RGS3: variants seen among roughly 807,000 people sequenced by gnomAD.
RGS3 encodes regulator of G-protein signalling 3.
Under a neutral mutation model 132.6 loss-of-function variants are expected in RGS3, and 80 were observed. That is an observed-to-expected ratio of 0.60 (90% CI 0.50 to 0.73). The LOEUF (loss-of-function observed/expected upper bound fraction) is 0.73. Ranked by LOEUF, RGS3 falls within the 30% of genes least tolerant of loss-of-function variation. The pLI, the probability that RGS3 is intolerant of heterozygous loss-of-function variation, is 0.00. For synonymous variants in RGS3, 598 were observed against 620.6 expected (o/e 0.96, Z 0.54); for missense variants, 1,382 against 1,530.8 (o/e 0.90, Z 1.62).
Position 113,579,076 on chromosome 9 carries a change from C to T in RGS3, c.2038-4374C>T, listed in dbSNP as rs1385299678. Among the ~76,000 whole-genome samples the T allele has an allele frequency of 6.7e-6, 1 of 148,682 alleles. No individual in the cohort carries two copies. The highest frequency in any genetic ancestry group is 2.1e-4 in the South Asian group (1 of 4,776). The stretch of plus-strand genomic sequence containing the variant: ...TGAGACAGAGGCAAACCCCAGTTTA[C>T]ACCCCCCCAGTGCAGGAAGTGGTTT... On this transcript the variant is annotated intron_variant, in intron 19 of 24. Transcript: ENST00000350696. The surrounding 1 kb of genome is among the most constrained non-coding windows in gnomAD (Gnocchi z 4.3).
At position 113,593,767 on chromosome 9, in the gene RGS3, T is replaced by C. The variant is rs1306562295; in HGVS notation, c.3081-663T>C. On this transcript the variant is annotated intron_variant, in intron 21 of 24. Transcript: ENST00000350696. ...TCACCCAGTGCTGAATTCTGCTGCC[T>C]CCTTGGGGACCGGCAAGGCTAAAAA... 7.1e-6 allele frequency: 5 copies of C among 705,914 alleles called. No homozygotes were observed. In the South Asian group the frequency reaches 9.0e-5, roughly 13 times the overall value. 43.7% of individuals were successfully genotyped at this position (705,914 alleles called of 1,614,324 possible). A position where few individuals can be genotyped will look rare whatever the true frequency, so the allele number is the denominator to read the frequency against.
chr9:113,453,843 CT>C (rs941302971), intron 1 of RGS3, among the ~76,000 whole-genome samples: 6 of 150,336 alleles, frequency 4.0e-5, no homozygotes, highest in African/African-American at 1.5e-4. Flanking sequence ...TTCACATACT[CT>C]TTTTTTATTT....
intron 10 of RGS3, among the ~76,000 whole-genome samples, chr9:113,503,981 C>T (rs1482140132): frequency 6.6e-6 from 1 of 152,106 alleles, no homozygotes. Context: ...GGGGTATTTT[C>T]CTGCCTCCTC....
intron 16 of RGS3, chr9:113,522,238 T>A (rs1831990502): frequency 6.6e-6 from 1 of 152,224 alleles, no homozygotes; most frequent in African/African-American, 2.4e-5. Context: ...CTTAAACTGA[T>A]TTCTCATTAA....
chr9:113,456,311 A>G (rs1370189463), upstream of RGS3, among the ~76,000 whole-genome samples: 1 of 152,164 alleles, frequency 6.6e-6, no homozygotes, highest in Non-Finnish European at 1.5e-5. Context: ...ATTATGTTCA[A>G]CTGTTCACTT....
At chr9:113,494,117 G>A (rs1165260108) in intron 7 of RGS3, among the ~76,000 whole-genome samples, 1 of 151,966 alleles carries the variant, frequency 6.6e-6, no homozygotes, top group Non-Finnish European at 1.5e-5. Flanking sequence ...GTAAGAGAGA[G>A]GAGAACAGAA....
intron 1 of RGS3, among the ~76,000 whole-genome samples, chr9:113,451,153 T>G (rs1046484275): frequency 1.4e-5 from 2 of 144,004 alleles, no homozygotes; most frequent in African/African-American, 5.2e-5. Context: ...ACCTCCAGCC[T>G]GGGCAACAGT....
chr9:113,553,459 A>AAAAAAAAAAAAATATATAT (rs1426114805), intron 19 of RGS3, among the ~76,000 whole-genome samples: 5 of 58,696 alleles, frequency 8.5e-5, no homozygotes, highest in Admixed American at 5.5e-4. Context: ...AAAAAAAAAA[A>AAAAAAAAAAAAATATATAT]ATATATATAT....
rs139920691 is a variant in RGS3 at position 113,470,829 on chromosome 9, A to T, written c.415+8628A>T. ...AAAATAAAAAAATTAGCTGGGCATG[A>T]TGGTGTGCACCTGTGGTCCTAGCTA... On this transcript the variant is annotated intron_variant, in intron 3 of 24. Coordinates refer to ENST00000350696, the Ensembl canonical transcript of RGS3. Among the ~76,000 whole-genome samples, 676 of 152,188 alleles carry T rather than the reference A, an allele frequency of 4.4e-3. 24 individuals carry two copies. The East Asian group carries it at 0.083, about 19-fold the overall frequency.
intron 19 of RGS3, among the ~76,000 whole-genome samples, chr9:113,547,504 T>C (rs1166756393): frequency 6.6e-6 from 1 of 152,216 alleles, no homozygotes; most frequent in Non-Finnish European, 1.5e-5. Flanking sequence ...CTCAGGTGGC[T>C]GAGTATACAC....
chr9:113,554,551 C>T, intron 19 of RGS3, among the ~76,000 whole-genome samples: 1 of 152,240 alleles, frequency 6.6e-6, no homozygotes, highest in East Asian at 1.9e-4. Flanking sequence ...AAGTGATCCA[C>T]TCACCTCAGC....
chr9:113,469,608 C>T (rs1829764167), intron 3 of RGS3, among the ~76,000 whole-genome samples: 1 of 151,868 alleles, frequency 6.6e-6, no homozygotes, highest in Non-Finnish European at 1.5e-5. Flanking sequence ...AAAAAAAAAA[C>T]CTTTGTAACT....
chr9:113,565,463 G>C lies in RGS3; in HGVS notation c.2038-17987G>C. 1 of 1,090,088 alleles carries C rather than the reference G, an allele frequency of 9.2e-7. No individual in the cohort carries two copies. The highest frequency in any genetic ancestry group is 1.2e-6 in the Non-Finnish European group (1 of 811,486). 67.5% of individuals were successfully genotyped at this position (1,090,088 alleles called of 1,614,324 possible). A position where few individuals can be genotyped will look rare whatever the true frequency, so the allele number is the denominator to read the frequency against. ...CGGGTGATGCAAGGGTTTTGAAAGC[G>C]CTACCTAGATGTGGGAGGTGGAACC... On this transcript the variant is annotated intron_variant, in intron 19 of 24. Coordinates refer to ENST00000350696, the Ensembl canonical transcript of RGS3. This position sits in a 1 kb window ranked among gnomAD's most constrained non-coding sequence, Gnocchi z 5.7.
intron 4 of RGS3, among the ~76,000 whole-genome samples, chr9:113,480,504 G>A (rs1051751301): frequency 2.5e-4 from 38 of 150,890 alleles, no homozygotes; most frequent in African/African-American, 7.8e-4. Context: ...CAAAAATAGC[G>A]ATTGAGCATT....
chr9:113,456,170 A>G (rs1829358420), upstream of RGS3, among the ~76,000 whole-genome samples: 1 of 151,654 alleles, frequency 6.6e-6, no homozygotes, highest in Non-Finnish European at 1.5e-5. Flanking sequence ...AGTTGGTACT[A>G]CTCTTGGTTC....
intron 15 of RGS3, among the ~76,000 whole-genome samples, chr9:113,516,709 A>G (rs1052319494): frequency 1.3e-5 from 2 of 151,994 alleles, no homozygotes; most frequent in African/African-American, 4.8e-5. Context: ...AACTACTTCT[A>G]TTTAAGAGAC....
chr9:113,543,807 T>A lies in RGS3; in HGVS notation c.2037+6889T>A, dbSNP rs1491001610. Among the ~76,000 whole-genome samples, 6 of 152,216 alleles carry A rather than the reference T, an allele frequency of 3.9e-5. No homozygotes were observed. The East Asian group carries it at 9.6e-4, about 24-fold the overall frequency. ...CACCCAGCCTGTCCTGACAAGCTGCTGAGTCGAGCAGATGCTCACATCAGG... is the reference window on the plus strand; with the variant it reads ...CACCCAGCCTGTCCTGACAAGCTGCAGAGTCGAGCAGATGCTCACATCAGG... On this transcript the variant is annotated intron_variant, in intron 19 of 24. Coordinates refer to ENST00000350696, the Ensembl canonical transcript of RGS3.
chr9:113,535,715 C>CT (rs11354798), intron 18 of RGS3, among the ~76,000 whole-genome samples: 61 of 150,512 alleles, frequency 4.1e-4, no homozygotes, highest in Admixed American at 2.7e-4. Context: ...GAAACACTGT[C>CT]TTTTTTTTTT....
chr9:113,534,974 C>G (rs1832620415), intron 18 of RGS3, among the ~76,000 whole-genome samples: 1 of 151,916 alleles, frequency 6.6e-6, no homozygotes, highest in Admixed American at 6.6e-5. Flanking sequence ...GTTGTAGAAA[C>G]CATGGATAGG....
Sources: allele counts gnomAD v4.1 joint callset (sites outside exome capture counted in the v4.1 genomes callset), GRCh38; gene constraint gnomAD v4.1.1; non-coding constraint Gnocchi (gnomAD v3.1); transcripts MANE v1.5; gene names NCBI Gene and HGNC (gene_info 2026-07-23, HGNC 2026-07-21).